WBP2: variants seen among roughly 807,000 people sequenced by gnomAD.
WBP2 encodes the protein WW domain-binding protein 2.
In WBP2, 23 loss-of-function variants were observed where a neutral mutation model predicts 33.0. That is an observed-to-expected ratio of 0.70 (90% CI 0.50 to 0.99). The LOEUF (loss-of-function observed/expected upper bound fraction) is 0.99. Ranked by LOEUF, WBP2 falls within the 50% of genes least tolerant of loss-of-function variation. The pLI is 0.00. For synonymous variants in WBP2, 153 were observed against 133.5 expected, an observed-to-expected ratio of 1.15 and a Z score of -1.01; for missense variants, 353 against 358.0, an observed-to-expected ratio of 0.99 and a Z score of 0.11.
chr17:75,855,174 A>ACCCACCC, intron 1 of WBP2, 65 bp downstream of exon 1: 2 of 375,854 alleles, frequency 5.3e-6, no homozygotes, highest in South Asian at 2.6e-5. Context: ...ACCACCCACC[A>ACCCACCC]CCCACCGCCC....
Position 75,846,652 on chromosome 17 carries a change from T to C in WBP2, c.*82A>G. The C allele has an allele frequency of 2.8e-6, 4 of 1,453,002 alleles. No homozygotes were observed. The highest frequency in any genetic ancestry group is 3.7e-6 in the Non-Finnish European group (4 of 1,068,906). The allele number at this position is 1,453,002 out of a possible 1,614,324, so 90.0% of individuals were successfully genotyped here. ...CCTGGAGGGAGAACAAGGCGCCCCC[T>C]CCCCTCCCCAAGCCCCAGCACAGCC... On this transcript the variant is annotated 3_prime_UTR_variant, in exon 8 of 8. Transcript: ENST00000254806. The surrounding 1 kb of genome is among the most constrained non-coding windows in gnomAD (Gnocchi z 4.8).
At chr17:75,854,781 C>A (rs767613153) in intron 1 of WBP2, among the ~76,000 whole-genome samples, 3 of 152,142 alleles carry the variant, frequency 2.0e-5, no homozygotes, top group Non-Finnish European at 4.4e-5. Context: ...AGTTACTTAA[C>A]CTTTCTGCCC....
chr17:75,848,834 T>C, intron 3 of WBP2, 172 bp from the exon 4 acceptor site: 3 of 643,524 alleles, frequency 4.7e-6, no homozygotes. Context: ...GCTGCCTGCA[T>C]AGGAGCCAGC....
intron 1 of WBP2, chr17:75,852,147 A>G (rs981664790): frequency 2.0e-4 from 31 of 158,258 alleles, no homozygotes; most frequent in Non-Finnish European, 3.2e-4. Flanking sequence ...GGCCAGGCGC[A>G]GTGGCCCACA....
rs2064993341 is a variant in WBP2 at position 75,846,606 on chromosome 17, T to C, written c.*128A>G. ...CCTAATGTCCCACAATGCTAGTTCC[T>C]GGTAATTGTTTATGATCAGACCTGG... is the stretch of plus-strand genomic sequence containing the variant. On this transcript the variant is annotated 3_prime_UTR_variant, in exon 8 of 8. Transcript: ENST00000254806. The surrounding 1 kb of genome is among the most constrained non-coding windows in gnomAD (Gnocchi z 4.8). 2 of 1,185,576 alleles carry C rather than the reference T, an allele frequency of 1.7e-6. No individual in the cohort carries two copies. The highest frequency in any genetic ancestry group is 2.4e-6 in the Non-Finnish European group (2 of 819,790). The allele number at this position is 1,185,576 out of a possible 1,614,324, so 73.4% of individuals were successfully genotyped here. A position where few individuals can be genotyped will look rare whatever the true frequency, so the allele number is the denominator to read the frequency against.
rs1190936402 is a variant in WBP2 at position 75,849,709 on chromosome 17, T to A, written c.199A>T (p.Met67Leu). 1 of 1,614,182 alleles carries A rather than the reference T, an allele frequency of 6.2e-7. No homozygotes were observed. The change falls in exon 3 of 8, where the codon ATG becomes TTG. Residue 67 changes from methionine (M) to leucine (L), a missense_variant. By Grantham distance (15) the Met-to-Leu change is conservative. Coordinates refer to ENST00000254806, the MANE Select transcript of WBP2 (RefSeq NM_012478.4). ...TAAAATGGCATCATGAAGGACTGCA[T>A]GGCATCCTTGCCCTTGGACAGAAAG... is the stretch of plus-strand genomic sequence containing the variant. ...VIFLSKGKDA[M>L]QSFMMPFYLM...
At chr17:75,855,893 C>T (rs1321198901), upstream of WBP2, among the ~76,000 whole-genome samples, 1 of 152,236 alleles carries the variant, frequency 6.6e-6, no homozygotes, top group Non-Finnish European at 1.5e-5. Flanking sequence ...ACGCGGTGGG[C>T]TGGCGGCGTC....
At chr17:75,848,092 C>T in intron 4 of WBP2, 162 bp from the exon 5 acceptor site, 1 of 989,348 alleles carries the variant, frequency 1.0e-6, no homozygotes, top group Non-Finnish European at 1.5e-6. Context: ...GGGGGGCCAC[C>T]TTGGTCAGGG....
At chr17:75,850,256 T>A (rs1279527053) in intron 2 of WBP2, among the ~76,000 whole-genome samples, 2 of 151,804 alleles carry the variant, frequency 1.3e-5, no homozygotes, top group African/African-American at 2.4e-5. Context: ...TTTTCTTTTT[T>A]TTTTTTTGAG....
chr17:75,854,129 T>A (rs1387481629), intron 1 of WBP2, among the ~76,000 whole-genome samples: 1 of 147,142 alleles, frequency 6.8e-6, no homozygotes, highest in Non-Finnish European at 1.5e-5. Flanking sequence ...GCTGGGCCCA[T>A]GAAACTCTGA....
At chr17:75,850,139 A>G (rs1031699897) in intron 2 of WBP2, among the ~76,000 whole-genome samples, 1 of 152,136 alleles carries the variant, frequency 6.6e-6, no homozygotes, top group Admixed American at 6.6e-5. Flanking sequence ...ACTGAGAATG[A>G]TGGTGCAGTA....
At chr17:75,855,418 C>G, upstream of WBP2, 3 of 1,089,068 alleles carry the variant, frequency 2.8e-6, no homozygotes, top group South Asian at 3.8e-5. Context: ...CGGAGGCTGG[C>G]CCAAACACCT....
Position 75,846,922 on chromosome 17 carries a change from CGTT to C in WBP2, c.715_717del (p.Asn239del), listed in dbSNP as rs1567825051. 1 of 1,614,116 alleles carries C rather than the reference CGTT, an allele frequency of 6.2e-7. No individual in the cohort carries two copies. Among genetic ancestry groups the C allele is most frequent in the South Asian group, 1.1e-5 (1 of 91,080 alleles). Reference sequence around the variant, plus strand: ...AGCCCTCTCACCGTGGGCATGTAGACGTTGTGAGGATTGCCTGGGTTGTAATAG... The same window carrying C: ...AGCCCTCTCACCGTGGGCATGTAGACGTGAGGATTGCCTGGGTTGTAATAG... On this transcript the variant is annotated inframe_deletion, in exon 7 of 8. Coordinates refer to ENST00000254806, the MANE Select transcript of WBP2 (RefSeq NM_012478.4). The surrounding 1 kb of genome is among the most constrained non-coding windows in gnomAD (Gnocchi z 4.8).
In WBP2 at chr17:75,847,851, G is replaced by T. The variant is rs374107026; in HGVS notation, c.477C>A (p.Val159=). Residue 159 remains valine (V), a synonymous_variant, in exon 5 of 8, where the codon GTC becomes GTA. Coordinates refer to ENST00000254806, the MANE Select transcript of WBP2 (RefSeq NM_012478.4). ...GAGGGCAGGGGTACATTCCATTGGC[G>T]ACTGGCGGGGGATAGACATAGGCCC... ...PSGAYVYPPP[V]ANGMYPCPPG... 6 of 1,557,536 alleles carry T rather than the reference G, an allele frequency of 3.9e-6. No individual in the cohort carries two copies. The East Asian group carries it at 9.7e-5, about 25-fold the overall frequency.
At position 75,845,917 on chromosome 17, in the gene WBP2, G is replaced by C. The variant is rs1025780248; in HGVS notation, c.*817C>G. The stretch of plus-strand genomic sequence containing the variant: ...AAGCTTAAGGGGAAGAAGCAGGCTG[G>C]GGGGCTGGTGGCAGGTCCCGGCCAG... On this transcript the variant is annotated 3_prime_UTR_variant, in exon 8 of 8. Coordinates refer to ENST00000254806, the MANE Select transcript of WBP2 (RefSeq NM_012478.4). 3.9e-5 allele frequency: 6 copies of C among 152,734 alleles called. No individual in the cohort carries two copies. Among genetic ancestry groups the C allele is most frequent in the Non-Finnish European group, 5.9e-5 (4 of 68,334 alleles). The allele number at this position is 152,734 out of a possible 1,614,324, so 9.5% of individuals were successfully genotyped here.
chr17:75,847,380 C>T (rs2064999593), intron 6 of WBP2, 107 bp downstream of exon 6: 1 of 1,512,520 alleles, frequency 6.6e-7, no homozygotes. Context: ...AGGGGTCATC[C>T]ATCATCTGCG....
At chr17:75,855,588 A>G, upstream of WBP2, 1 of 461,192 alleles carries the variant, frequency 2.2e-6, no homozygotes, top group Non-Finnish European at 4.0e-6. Flanking sequence ...AGTCTCCTGG[A>G]TCATAGGCCT....
intron 3 of WBP2, 40 bp from the exon 4 acceptor site, chr17:75,848,702 G>T (rs377614514): frequency 6.4e-7 from 1 of 1,552,272 alleles, no homozygotes; most frequent in African/African-American, 1.4e-5. Context: ...CACAGGAAAA[G>T]AAAACTTATG....
chr17:75,847,081 C>G, intron 6 of WBP2, 97 bp from the exon 7 acceptor site: 1 of 1,373,498 alleles, frequency 7.3e-7, no homozygotes, highest in South Asian at 1.2e-5. Context: ...GCAGCTGGTG[C>G]TGGGGGTCCA....
Sources: allele counts gnomAD v4.1 joint callset (sites outside exome capture counted in the v4.1 genomes callset), GRCh38; gene constraint gnomAD v4.1.1; non-coding constraint Gnocchi (gnomAD v3.1); transcripts MANE v1.5; gene names NCBI Gene and HGNC (gene_info 2026-07-23, HGNC 2026-07-21).